The following DNAH14 variants were observed in gnomAD, a reference collection of about 807,000 sequenced individuals.
The protein encoded by DNAH14 is dynein axonemal heavy chain 14.
A neutral mutation model predicts 520.9 loss-of-function variants in DNAH14; 478 were observed. That is an observed-to-expected ratio of 0.92 (90% CI 0.85 to 0.99). The LOEUF (loss-of-function observed/expected upper bound fraction) is 0.99, where lower values mean the gene tolerates loss of function less well. Among genes scored for constraint, DNAH14 ranks in the 50% least tolerant of loss-of-function variants. DNAH14 has a pLI of 0.00. For synonymous variants in DNAH14, 1,581 were observed against 1,757.2 expected, an observed-to-expected ratio of 0.90 and a Z score of 2.51; for missense variants, 4,831 against 5,234.5, an observed-to-expected ratio of 0.92 and a Z score of 2.38.
intron 60 of DNAH14, among the ~76,000 whole-genome samples, chr1:225,317,978 A>C (rs560963964): frequency 6.6e-6 from 1 of 152,332 alleles, no homozygotes; most frequent in East Asian, 1.9e-4. Context: ...TTTACTATAT[A>C]GGGAAGTAAC....
At chr1:225,338,511 T>G (rs2095109550) in intron 68 of DNAH14, among the ~76,000 whole-genome samples, 1 of 152,148 alleles carries the variant, frequency 6.6e-6, no homozygotes, top group South Asian at 2.1e-4. Flanking sequence ...TAACCTTTTA[T>G]TTGGGCGAGA....
In DNAH14 at chr1:225,228,863, G is replaced by A. The variant is rs556554113; in HGVS notation, c.6440-2210G>A. 1.4e-4 allele frequency among the ~76,000 whole-genome samples: 22 copies of A among 152,228 alleles called. 1 individual carries two copies. The South Asian group carries it at 2.3e-3, about 16-fold the overall frequency. On this transcript the variant is annotated intron_variant, in intron 41 of 85. Transcript: ENST00000682510. ...AAGATGCAAACCTTCTTGGAAGGCC[G>A]GGGGTTTTGCAAAGCTTCAGGGAAG...
intron 38 of DNAH14, among the ~76,000 whole-genome samples, chr1:225,199,991 T>A (rs1047754632): frequency 1.3e-5 from 2 of 149,512 alleles, no homozygotes; most frequent in African/African-American, 5.0e-5. Flanking sequence ...CTATTTGTAA[T>A]CATTTTATAA....
intron 21 of DNAH14, among the ~76,000 whole-genome samples, chr1:225,093,512 C>G (rs2074600513): frequency 6.6e-6 from 1 of 152,112 alleles, no homozygotes; most frequent in Non-Finnish European, 1.5e-5. Flanking sequence ...TATGACAAAC[C>G]CGCAGCCAAC....
intron 19 of DNAH14, 44 bp from the exon 20 acceptor site, chr1:225,082,505 A>T (rs2073259294): frequency 3.7e-6 from 5 of 1,361,132 alleles, no homozygotes; most frequent in Non-Finnish European, 2.9e-6. Flanking sequence ...GTTAAAAAAT[A>T]TAATGAACAT....
Position 225,144,385 on chromosome 1 carries a change from T to C in DNAH14, c.4509-12T>C. On this transcript the variant is annotated splice_polypyrimidine_tract_variant and intron_variant, in intron 28 of 85. Coordinates refer to ENST00000682510, the MANE Select transcript of DNAH14 (RefSeq NM_001367479.1). ...AACCAAATAATATGAACATTTAAAATTTGGCTTTCAGACATTTGCAATATA... is the reference window on the plus strand; with the variant it reads ...AACCAAATAATATGAACATTTAAAACTTGGCTTTCAGACATTTGCAATATA... The C allele has an allele frequency of 1.3e-6, 2 of 1,525,946 alleles. No individual in the cohort carries two copies. The highest frequency in any genetic ancestry group is 1.8e-6 in the Non-Finnish European group (2 of 1,125,814). The allele number at this position is 1,525,946 out of a possible 1,614,324, so 94.5% of individuals were successfully genotyped here. A position where few individuals can be genotyped will look rare whatever the true frequency, so the allele number is the denominator to read the frequency against.
At chr1:225,306,127 G>A (rs562224733) in intron 58 of DNAH14, among the ~76,000 whole-genome samples, 4 of 152,322 alleles carry the variant, frequency 2.6e-5, no homozygotes, top group East Asian at 1.9e-4. Context: ...TTTGTGTGCT[G>A]CAGGCAAGTA....
chr1:225,069,752 T>G (rs1164865689), intron 17 of DNAH14, among the ~76,000 whole-genome samples: 1 of 152,194 alleles, frequency 6.6e-6, no homozygotes, highest in Non-Finnish European at 1.5e-5. Context: ...TCCTTCATTT[T>G]TAAGTTTTTG....
intron 66 of DNAH14, 57 bp from the exon 67 acceptor site, chr1:225,337,209 T>C (rs1464790715): frequency 2.2e-6 from 3 of 1,356,914 alleles, no homozygotes; most frequent in African/African-American, 2.9e-5. Flanking sequence ...CCCTGTAGGA[T>C]ACTAAAGATG....
chr1:225,175,699 ATC>A (rs759584605), intron 36 of DNAH14, among the ~76,000 whole-genome samples: 1 of 103,230 alleles, frequency 9.7e-6, no homozygotes, highest in African/African-American at 4.0e-5. Context: ...TTTATTTTGG[ATC>A]TTTTTTTTTT....
chr1:224,980,213 T>G (rs180991133), intron 8 of DNAH14, among the ~76,000 whole-genome samples: 25 of 152,230 alleles, frequency 1.6e-4, no homozygotes, highest in Non-Finnish European at 2.9e-5. Context: ...AAGCCTTGGT[T>G]CTTGGATGGC....
intron 36 of DNAH14, among the ~76,000 whole-genome samples, chr1:225,180,969 C>CTCCCT (rs1235196654): frequency 2.6e-5 from 4 of 152,108 alleles, no homozygotes; most frequent in African/African-American, 9.7e-5. Flanking sequence ...TCAACCCTTG[C>CTCCCT]TCCCTTCCTT....
chr1:224,933,029 A>G (rs2058793562), intron 1 of DNAH14, among the ~76,000 whole-genome samples: 1 of 152,116 alleles, frequency 6.6e-6, no homozygotes, highest in African/African-American at 2.4e-5. Flanking sequence ...CAATACGGTC[A>G]TTTAAATGAT....
At chr1:224,980,466 T>A (rs1042517309) in intron 8 of DNAH14, among the ~76,000 whole-genome samples, 1 of 152,152 alleles carries the variant, frequency 6.6e-6, no homozygotes, top group African/African-American at 2.4e-5. Flanking sequence ...GTTGCGGTAG[T>A]ATAGAGTGTC....
At chr1:224,940,746 T>C (rs1258247374) in intron 1 of DNAH14, among the ~76,000 whole-genome samples, 4 of 147,610 alleles carry the variant, frequency 2.7e-5, no homozygotes, top group Admixed American at 1.4e-4. Flanking sequence ...TGTTCAATTC[T>C]CACCTATGAG....
At chr1:225,193,411 C>G (rs1559246343) in intron 38 of DNAH14, among the ~76,000 whole-genome samples, 1 of 152,038 alleles carries the variant, frequency 6.6e-6, no homozygotes, top group Non-Finnish European at 1.5e-5. Context: ...ACAGAGAAGC[C>G]AGGTGTGGTG....
chr1:224,978,950 G>A (rs2062058367), intron 8 of DNAH14, among the ~76,000 whole-genome samples: 1 of 152,092 alleles, frequency 6.6e-6, no homozygotes, highest in South Asian at 2.1e-4. Flanking sequence ...CCTTAAAAAA[G>A]AGGATATTGA....
At chr1:225,111,041 CAT>C (rs1353554637) in intron 23 of DNAH14, among the ~76,000 whole-genome samples, 4 of 152,070 alleles carry the variant, frequency 2.6e-5, no homozygotes, top group African/African-American at 9.7e-5. Context: ...TGTGGCCTAA[CAT>C]ATCATTCTTT....
Position 225,392,321 on chromosome 1 carries a change from G to C in DNAH14, c.13361G>C (p.Gly4454Ala), listed in dbSNP as rs1362172947. ...CTTGCTGCTGTGCTTCAAGACTATG[G>C]GAGGTCCCGAGGAATCGCTGTGGAT... ...AFLAAVLQDY[G>A]RSRGIAVDAL... Residue 4454 changes from glycine to alanine, a missense_variant, in exon 84 of 86, where the codon GGG becomes GCG. Physicochemically the swap from Gly to Ala is moderately conservative, Grantham distance 60. Transcript: ENST00000682510. 6.4e-7 allele frequency: 1 copy of C among 1,552,254 alleles called. No homozygotes were observed. Among genetic ancestry groups the C allele is most frequent in the African/African-American group, 1.4e-5 (1 of 73,038 alleles).
Sources: allele counts gnomAD v4.1 joint callset (sites outside exome capture counted in the v4.1 genomes callset), GRCh38; gene constraint gnomAD v4.1.1; transcripts MANE v1.5; gene names NCBI Gene and HGNC (gene_info 2026-07-23, HGNC 2026-07-21).